The following KCNAB1 variants were observed in gnomAD, a reference collection of about 807,000 sequenced individuals.
KCNAB1 encodes the protein voltage-gated potassium channel subunit beta-1.
In KCNAB1, 35 loss-of-function variants were observed where a neutral mutation model predicts 64.6. That is an observed-to-expected ratio of 0.54 (90% CI 0.41 to 0.72). The LOEUF (loss-of-function observed/expected upper bound fraction) is 0.72, where lower values mean the gene tolerates loss of function less well. Among genes scored for constraint, KCNAB1 ranks in the 30% least tolerant of loss-of-function variants. The pLI is 0.00. For missense variants in KCNAB1, 401 were observed against 512.9 expected (o/e 0.78, Z 2.11); for synonymous variants, 177 against 183.8 (o/e 0.96, Z 0.30).
At chr3:156,267,990 A>T (rs113767702) in intron 1 of KCNAB1, among the ~76,000 whole-genome samples, 3 of 151,094 alleles carry the variant, frequency 2.0e-5, no homozygotes, top group African/African-American at 7.3e-5. Flanking sequence ...CATTCTTTCT[A>T]TTTTTTTTAA....
intron 1 of KCNAB1, among the ~76,000 whole-genome samples, chr3:156,133,994 G>A (rs924967057): frequency 1.5e-4 from 23 of 151,984 alleles, no homozygotes; most frequent in African/African-American, 5.3e-4. Flanking sequence ...TCTAAATGCA[G>A]GAAATATTCC....
intron 1 of KCNAB1, among the ~76,000 whole-genome samples, chr3:156,243,796 A>G (rs1223127286): frequency 1.3e-5 from 2 of 152,270 alleles, no homozygotes; most frequent in East Asian, 3.8e-4. Flanking sequence ...GAGGTAAAGC[A>G]GGAGCCATTA....
chr3:156,173,254 A>G (rs992735499), intron 1 of KCNAB1, among the ~76,000 whole-genome samples: 6 of 152,132 alleles, frequency 3.9e-5, no homozygotes, highest in African/African-American at 1.4e-4. Flanking sequence ...CCCTGATTTC[A>G]CTCTCAGGGC....
At chr3:156,399,108 C>CT (rs1208351995) in intron 1 of KCNAB1, among the ~76,000 whole-genome samples, 1 of 152,162 alleles carries the variant, frequency 6.6e-6, no homozygotes, top group African/African-American at 2.4e-5. Flanking sequence ...TTAGCTTACA[C>CT]TCATGATTAT....
intron 1 of KCNAB1, among the ~76,000 whole-genome samples, chr3:156,135,079 C>G (rs1010192743): frequency 6.6e-6 from 1 of 152,010 alleles, no homozygotes; most frequent in Non-Finnish European, 1.5e-5. Context: ...TGACTGCAAC[C>G]TCCGCTTCCT....
intron 1 of KCNAB1, among the ~76,000 whole-genome samples, chr3:156,242,446 C>T (rs1717214800): frequency 6.6e-6 from 1 of 152,138 alleles, no homozygotes; most frequent in South Asian, 2.1e-4. Flanking sequence ...CACCCGCTTC[C>T]CACATGCTTC....
chr3:156,284,794 C>T (rs1446801287), intron 1 of KCNAB1, among the ~76,000 whole-genome samples: 1 of 152,220 alleles, frequency 6.6e-6, no homozygotes, highest in Non-Finnish European at 1.5e-5. Context: ...TTGTGCTTCC[C>T]AAGTGAGGCA....
At chr3:156,172,099 T>C (rs1290445092) in intron 1 of KCNAB1, among the ~76,000 whole-genome samples, 2 of 152,220 alleles carry the variant, frequency 1.3e-5, no homozygotes, top group Non-Finnish European at 2.9e-5. Flanking sequence ...TGATGCCCAG[T>C]GGATTCACAC....
chr3:156,455,999 G>C (rs1209282369), intron 3 of KCNAB1: 2 of 152,322 alleles, frequency 1.3e-5, no homozygotes, highest in Non-Finnish European at 2.9e-5. Context: ...AGTCAGCTTT[G>C]CCTGAGGCCT....
chr3:156,511,769 T>C (rs1363292216), intron 8 of KCNAB1, among the ~76,000 whole-genome samples: 1 of 152,238 alleles, frequency 6.6e-6, no homozygotes, highest in Middle Eastern at 3.2e-3. Flanking sequence ...GAGACTGTTC[T>C]GAAATGCAAA....
At chr3:156,139,371 GC>G (rs1276774469) in intron 1 of KCNAB1, among the ~76,000 whole-genome samples, 5 of 152,206 alleles carry the variant, frequency 3.3e-5, no homozygotes, top group Admixed American at 2.6e-4. Context: ...GAGGGCTCAT[GC>G]CCCATGTTTT....
chr3:156,478,664 A>G (rs544179962), intron 8 of KCNAB1, among the ~76,000 whole-genome samples: 1 of 152,188 alleles, frequency 6.6e-6, no homozygotes, highest in Non-Finnish European at 1.5e-5. Context: ...TTAAAATGCC[A>G]ATTGTATTCA....
chr3:156,340,772 A>G lies in KCNAB1; in HGVS notation c.276-80844A>G, dbSNP rs1724052037. Among the ~76,000 whole-genome samples, 9 of 152,290 alleles carry G rather than the reference A, an allele frequency of 5.9e-5. No homozygotes were observed. In the South Asian group the frequency reaches 1.9e-3, roughly 32 times the overall value. On this transcript the variant is annotated intron_variant, in intron 1 of 13. Transcript: ENST00000490337. ...GGTCAAGTCAGTGTGAGGAGAGGAA[A>G]TGGGCTTTATAATTTGGGTGCCTGC...
At position 156,460,978 on chromosome 3, in the gene KCNAB1, C is replaced by A. The variant is rs545790213; in HGVS notation, c.482+1107C>A. Reference sequence around the variant, plus strand: ...GATATGAACAAATAAACTTTGATGACCTACTTTCTCCTTCTCCCTTCTCCC... The same window carrying A: ...GATATGAACAAATAAACTTTGATGAACTACTTTCTCCTTCTCCCTTCTCCC... On this transcript the variant is annotated intron_variant, in intron 5 of 13. Coordinates refer to ENST00000490337, the MANE Select transcript of KCNAB1 (RefSeq NM_172160.3). 3.3e-5 allele frequency among the ~76,000 whole-genome samples: 5 copies of A among 152,262 alleles called. No homozygotes were observed. In the East Asian group the frequency reaches 9.6e-4, roughly 29 times the overall value.
At chr3:156,530,374 G>A (rs535945268) in intron 12 of KCNAB1, among the ~76,000 whole-genome samples, 5 of 152,232 alleles carry the variant, frequency 3.3e-5, no homozygotes, top group African/African-American at 9.6e-5. Flanking sequence ...TCCAATGGAG[G>A]GACTTGATTT....
At chr3:156,171,497 G>A (rs1227464817) in intron 1 of KCNAB1, among the ~76,000 whole-genome samples, 1 of 152,124 alleles carries the variant, frequency 6.6e-6, no homozygotes, top group Non-Finnish European at 1.5e-5. Flanking sequence ...GAGGGAAAGA[G>A]ATTTATACTT....
Position 156,174,683 on chromosome 3 carries a change from C to T in KCNAB1, c.275+53797C>T, listed in dbSNP as rs143939030. Among the ~76,000 whole-genome samples, 256 of 152,206 alleles carry T rather than the reference C, an allele frequency of 1.7e-3. 1 individual carries two copies. Among genetic ancestry groups the T allele is most frequent in the African/African-American group, 6.0e-3 (249 of 41,516 alleles). On this transcript the variant is annotated intron_variant, in intron 1 of 13. Coordinates refer to ENST00000490337, the MANE Select transcript of KCNAB1 (RefSeq NM_172160.3). ...TCCCATACATCAGTGTGCCCGAGGT[C>T]GAGAAGAGCTGGAGGGGCTGATATT...
intron 11 of KCNAB1, among the ~76,000 whole-genome samples, chr3:156,521,183 C>T (rs968812377): frequency 1.3e-5 from 2 of 152,176 alleles, no homozygotes; most frequent in African/African-American, 2.4e-5. Context: ...GTGCTGGGTG[C>T]TGAGGACACA....
At chr3:156,309,703 G>A (rs1268527296) in intron 1 of KCNAB1, among the ~76,000 whole-genome samples, 2 of 152,206 alleles carry the variant, frequency 1.3e-5, no homozygotes, top group African/African-American at 4.8e-5. Context: ...TTTGTGATCA[G>A]CATCAAAGAA....
Sources: gnomAD v4.1 joint callset for allele counts (sites outside exome capture counted in the v4.1 genomes callset) on GRCh38, gnomAD v4.1.1 for gene constraint, MANE v1.5 for transcripts, NCBI Gene and HGNC (gene_info 2026-07-23, HGNC 2026-07-21) for gene names.